Variants in WDR37 observed in about 807,000 individuals in gnomAD.
WDR37 encodes the protein WD repeat domain 37.
A neutral mutation model predicts 62.9 loss-of-function variants in WDR37; 19 were observed. The ratio of observed to expected loss-of-function variants is 0.30; its 90% CI spans 0.21 to 0.44. The LOEUF is 0.44. WDR37 is among the 20% of genes least tolerant of loss of function. The pLI is 1.00. For missense variants in WDR37, 474 were observed against 657.6 expected, an observed-to-expected ratio of 0.72 and a Z score of 3.05; for synonymous variants, 250 against 260.9, an observed-to-expected ratio of 0.96 and a Z score of 0.40.
chr10:1,066,175 G>A (rs1405513290), intron 1 of WDR37, among the ~76,000 whole-genome samples: 1 of 152,108 alleles, frequency 6.6e-6, no homozygotes, highest in Non-Finnish European at 1.5e-5. Flanking sequence ...GAGTGCAGTG[G>A]CGCGATCTTG....
chr10:1,082,164 G>C (rs111646167), intron 5 of WDR37, among the ~76,000 whole-genome samples: 1 of 152,170 alleles, frequency 6.6e-6, no homozygotes, highest in Non-Finnish European at 1.5e-5. Context: ...ATTCTGATTC[G>C]TACTACAGTG....
At chr10:1,096,307 CATTTATGATATCT>C (rs769624299) in intron 9 of WDR37, 61 bp downstream of exon 9, 1 of 1,546,996 alleles carries the variant, frequency 6.5e-7, no homozygotes, top group Non-Finnish European at 8.9e-7. Context: ...TCTGAGAATC[CATTTATGATATCT>C]GTCATGGACG....
At position 1,105,368 on chromosome 10, in the gene WDR37, C is replaced by G; in HGVS notation, c.1103+101C>G. 7.2e-7 allele frequency: 1 copy of G among 1,379,882 alleles called. No homozygotes were observed. The highest frequency in any genetic ancestry group is 1.5e-5 in the African/African-American group (1 of 68,512). 85.5% of individuals were successfully genotyped at this position (1,379,882 alleles called of 1,614,324 possible). On this transcript the variant is annotated intron_variant, in intron 11 of 13. Coordinates refer to ENST00000263150, the MANE Select transcript of WDR37 (RefSeq NM_014023.4). The surrounding 1 kb of genome is among the most constrained non-coding windows in gnomAD (Gnocchi z 5.3). The stretch of plus-strand genomic sequence containing the variant: ...GCCTTAATTTTCAGTATTTCCGACT[C>G]TACTATCTTTCAAAAAAATAACTAC...
chr10:1,059,447 TAC>T (rs1428916170), intron 1 of WDR37, among the ~76,000 whole-genome samples: 1 of 152,084 alleles, frequency 6.6e-6, no homozygotes, highest in African/African-American at 2.4e-5. Flanking sequence ...CCTCAAATTA[TAC>T]ACACTTAGGA....
At chr10:1,080,969 A>C (rs1482675930) in intron 5 of WDR37, among the ~76,000 whole-genome samples, 1 of 152,104 alleles carries the variant, frequency 6.6e-6, no homozygotes, top group African/African-American at 2.4e-5. Context: ...TAGTACCTAC[A>C]GGGATTAATA....
chr10:1,084,935 G>A (rs1183845833), intron 6 of WDR37, among the ~76,000 whole-genome samples: 1 of 152,248 alleles, frequency 6.6e-6, no homozygotes, highest in East Asian at 1.9e-4. Context: ...ACTTAAATGT[G>A]TTGAGGAATC....
At chr10:1,059,195 G>C (rs1833295007) in intron 1 of WDR37, among the ~76,000 whole-genome samples, 3 of 152,088 alleles carry the variant, frequency 2.0e-5, no homozygotes, top group Admixed American at 2.0e-4. Context: ...GGCCAACATG[G>C]TGAAGTCCCG....
chr10:1,069,058 G>A (rs1471272414), intron 1 of WDR37, among the ~76,000 whole-genome samples: 1 of 152,118 alleles, frequency 6.6e-6, no homozygotes, highest in African/African-American at 2.4e-5. Context: ...TGGGAGAAAT[G>A]AGGAGTGAGG....
chr10:1,073,366 A>T (rs1276907036), intron 2 of WDR37, among the ~76,000 whole-genome samples: 1 of 152,196 alleles, frequency 6.6e-6, no homozygotes, highest in Non-Finnish European at 1.5e-5. Flanking sequence ...ACTTTATGCC[A>T]GGACTTCGAG....
chr10:1,057,928 A>G (rs1833246155), intron 1 of WDR37, among the ~76,000 whole-genome samples: 1 of 152,244 alleles, frequency 6.6e-6, no homozygotes, highest in South Asian at 2.1e-4. Context: ...TGAATGAGAA[A>G]GCTCAAGATA....
chr10:1,070,070 G>A (rs1467398186), intron 1 of WDR37, among the ~76,000 whole-genome samples: 1 of 152,022 alleles, frequency 6.6e-6, no homozygotes, highest in African/African-American at 2.4e-5. Flanking sequence ...GCTGGGCATG[G>A]TGGTGCATGC....
At position 1,129,351 on chromosome 10, in the gene WDR37, C is replaced by T. The variant is rs373374815; in HGVS notation, c.*7C>T. The T allele has an allele frequency of 3.0e-5, 48 of 1,613,732 alleles. No homozygotes were observed. Among genetic ancestry groups the T allele is most frequent in the Middle Eastern group, 3.3e-4 (2 of 6,082 alleles). On this transcript the variant is annotated 3_prime_UTR_variant, in exon 14 of 14. Coordinates refer to ENST00000263150, the MANE Select transcript of WDR37 (RefSeq NM_014023.4). The stretch of plus-strand genomic sequence containing the variant: ...ATTGCTACAAGAAAAATAAGGACAC[C>T]GGCAGCCCTTAGTTTCACTGTTTGC...
chr10:1,096,287 T>C, intron 9 of WDR37, 41 bp downstream of exon 9: 1 of 1,589,720 alleles, frequency 6.3e-7, no homozygotes, highest in South Asian at 1.1e-5. Flanking sequence ...AGGATGCTGA[T>C]GTCTGCGAAT....
chr10:1,082,596 C>T (rs978256588), intron 5 of WDR37, among the ~76,000 whole-genome samples: 2 of 152,210 alleles, frequency 1.3e-5, no homozygotes, highest in African/African-American at 2.4e-5. Context: ...CTGTTATGAA[C>T]GTTCCCTCTA....
intron 11 of WDR37, among the ~76,000 whole-genome samples, chr10:1,122,199 T>G (rs1835604439): frequency 6.6e-6 from 1 of 152,070 alleles, no homozygotes; most frequent in Non-Finnish European, 1.5e-5. Flanking sequence ...TCGATGAGGG[T>G]AGATGTGGAA....
rs576292853 is a variant in WDR37, at chr10:1,105,850, A to G, written c.1103+583A>G. On this transcript the variant is annotated intron_variant, in intron 11 of 13. Coordinates refer to ENST00000263150, the MANE Select transcript of WDR37 (RefSeq NM_014023.4). This position sits in a 1 kb window ranked among gnomAD's most constrained non-coding sequence, Gnocchi z 5.3. ...GCCCAGGCTGGAGTGCAGTGGCGCT[A>G]TCTCGGCTCACTGCAAGCTCCGCCT... Among the ~76,000 whole-genome samples, 1 of 152,046 alleles carries G rather than the reference A, an allele frequency of 6.6e-6. No individual in the cohort carries two copies. Among genetic ancestry groups the G allele is most frequent in the East Asian group, 1.9e-4 (1 of 5,150 alleles).
intron 8 of WDR37, among the ~76,000 whole-genome samples, chr10:1,094,933 G>A (rs1286745120): frequency 6.6e-6 from 1 of 151,948 alleles, no homozygotes; most frequent in Non-Finnish European, 1.5e-5. Context: ...AGTTAGACTT[G>A]GAAACAGGAG....
intron 12 of WDR37, 126 bp downstream of exon 12, chr10:1,124,478 T>C: frequency 7.4e-7 from 1 of 1,344,394 alleles, no homozygotes; most frequent in Non-Finnish European, 1.0e-6. Flanking sequence ...GGCTCCTTTG[T>C]CCTCTAATGC....
At chr10:1,073,649 A>G (rs562536338) in intron 2 of WDR37, among the ~76,000 whole-genome samples, 6 of 152,278 alleles carry the variant, frequency 3.9e-5, no homozygotes, top group Admixed American at 3.9e-4. Context: ...AGCTTAAACA[A>G]CAGACATTTA....
Sources: gnomAD v4.1 joint callset for allele counts (sites outside exome capture counted in the v4.1 genomes callset) on GRCh38, gnomAD v4.1.1 for gene constraint, Gnocchi (gnomAD v3.1) non-coding constraint, MANE v1.5 for transcripts, NCBI Gene and HGNC (gene_info 2026-07-23, HGNC 2026-07-21) for gene names.